Variants in ZNF3 observed in about 807,000 individuals in gnomAD.
ZNF3 encodes zinc finger protein 3.
Under a neutral mutation model 36.9 loss-of-function variants are expected in ZNF3, and 16 were observed. The ratio of observed to expected loss-of-function variants is 0.43; its 90% CI spans 0.29 to 0.66. The LOEUF is 0.66. Among genes scored for constraint, ZNF3 ranks in the 30% least tolerant of loss-of-function variants. The probability of loss-of-function intolerance (pLI) is 0.13; values close to 1 mark genes in which losing one functional copy is unlikely to be tolerated. For synonymous variants in ZNF3, 201 were observed against 201.9 expected (o/e 1.00, Z 0.04); for missense variants, 462 against 543.1 (o/e 0.85, Z 1.48).
chr7:100,070,381 G>A lies in ZNF3; in HGVS notation c.*762C>T. On this transcript the variant is annotated 3_prime_UTR_variant, in exon 6 of 6. Transcript: ENST00000299667. Reference sequence around the variant, plus strand: ...TCATTGGAGTGGGAAGAGGACAAGAGAGGACAGCAATCAGAGGCCAACGCT... The same window carrying A: ...TCATTGGAGTGGGAAGAGGACAAGAAAGGACAGCAATCAGAGGCCAACGCT... The A allele has an allele frequency of 1.0e-6, 1 of 985,488 alleles. No individual in the cohort carries two copies. The highest frequency in any genetic ancestry group is 4.7e-5 in the South Asian group (1 of 21,292). 61.0% of individuals were successfully genotyped at this position (985,488 alleles called of 1,614,324 possible). A position where few individuals can be genotyped will look rare whatever the true frequency, so the allele number is the denominator to read the frequency against.
chr7:100,072,180 T>C lies in ZNF3; in HGVS notation c.304A>G (p.Ile102Val). The C allele has an allele frequency of 6.3e-7, 1 of 1,595,130 alleles. No individual in the cohort carries two copies. The highest frequency in any genetic ancestry group is 8.5e-7 in the Non-Finnish European group (1 of 1,174,576). ...RETRTENDQE[I>V]SEDTRSHGVL... is the part of the protein sequence containing the mutation. ...CCATGTGATCTTGTGTCTTCAGAAA[T>C]TTCTTGATCATTTTCAGTCCTGGTC... The change falls in exon 6 of 6, where the codon ATT (isoleucine) becomes GTT (valine). Residue 102 changes from isoleucine to valine, a missense_variant. Ile to Val is a conservative substitution (Grantham distance 29). Coordinates refer to ENST00000299667, the MANE Select transcript of ZNF3 (RefSeq NM_032924.5).
At chr7:100,077,074 AAAAACAAAAC>A (rs909150017) in intron 3 of ZNF3, 1 of 489,770 alleles carries the variant, frequency 2.0e-6, no homozygotes, top group Non-Finnish European at 3.7e-6. Context: ...CCATCTCAAA[AAAAACAAAAC>A]AAAACAAAAC....
At position 100,070,278 on chromosome 7, in the gene ZNF3, G is replaced by A; in HGVS notation, c.*865C>T. ...TGGCTCCTGGGGCTGGGTGTCAGAG[G>A]TGAGAGGGCAGGGCAAGCAGGCCAA... On this transcript the variant is annotated 3_prime_UTR_variant, in exon 6 of 6. Transcript: ENST00000299667. 13 of 985,620 alleles carry A rather than the reference G, an allele frequency of 1.3e-5. No homozygotes were observed. The highest frequency in any genetic ancestry group is 1.6e-5 in the Non-Finnish European group (13 of 830,092). 61.1% of individuals were successfully genotyped at this position (985,620 alleles called of 1,614,324 possible).
chr7:100,069,551 CAA>C (rs57428777), downstream of ZNF3, among the ~76,000 whole-genome samples: 286 of 107,870 alleles, frequency 2.7e-3, no homozygotes, highest in East Asian at 7.0e-3. Flanking sequence ...GACTCTGTCT[CAA>C]AAAAAAAAAA....
At chr7:100,073,543 C>T (rs377704606) in intron 5 of ZNF3, among the ~76,000 whole-genome samples, 29 of 151,650 alleles carry the variant, frequency 1.9e-4, no homozygotes, top group African/African-American at 2.9e-4. Context: ...GTAGAGATGG[C>T]GTTTCAACAT....
At chr7:100,079,029 T>A (rs941706109) in intron 2 of ZNF3, 13 of 152,204 alleles carry the variant, frequency 8.5e-5, no homozygotes, top group African/African-American at 3.1e-4. Flanking sequence ...GAATGTCCAA[T>A]ACCAGAGCCC....
At chr7:100,066,685 C>T (rs189402756), downstream of ZNF3, among the ~76,000 whole-genome samples, 10 of 150,130 alleles carry the variant, frequency 6.7e-5, no homozygotes, top group Middle Eastern at 3.6e-3. Flanking sequence ...TGCAGTGAGC[C>T]GAGATCACGC....
Position 100,070,321 on chromosome 7 carries a change from A to G in ZNF3, c.*822T>C. The G allele has an allele frequency of 1.0e-6, 1 of 985,574 alleles. No homozygotes were observed. The highest frequency in any genetic ancestry group is 1.2e-6 in the Non-Finnish European group (1 of 830,036). The allele number at this position is 985,574 out of a possible 1,614,324, so 61.1% of individuals were successfully genotyped here. A position where few individuals can be genotyped will look rare whatever the true frequency, so the allele number is the denominator to read the frequency against. On this transcript the variant is annotated 3_prime_UTR_variant, in exon 6 of 6. Coordinates refer to ENST00000299667, the MANE Select transcript of ZNF3 (RefSeq NM_032924.5). ...CAGGCCAAGTGAGCTCCTTGAAAGC[A>G]TCCTTACCCAGGCATTTAGAGAAAA...
In ZNF3 at chr7:100,071,794, A is replaced by G. The variant is rs753194720; in HGVS notation, c.690T>C (p.Cys230=). The G allele has an allele frequency of 6.2e-7, 1 of 1,613,914 alleles. No homozygotes were observed. Among genetic ancestry groups the G allele is most frequent in the Admixed American group, 1.7e-5 (1 of 60,000 alleles). The change falls in exon 6 of 6, where the codon TGT becomes TGC. Residue 230 remains cysteine (C), a synonymous_variant. Transcript: ENST00000299667. Reference sequence around the variant, plus strand: ...GGCTGAAGGCCTTCCCACACTCATTACATTCATAGGGCTTTTCCCCAGTGT... The same window carrying G: ...GGCTGAAGGCCTTCCCACACTCATTGCATTCATAGGGCTTTTCCCCAGTGT... ...RIHTGEKPYE[C]NECGKAFSQS... is the part of the protein sequence containing the mutation.
At position 100,070,053 on chromosome 7, in the gene ZNF3, G is replaced by A. The variant is rs192702217; in HGVS notation, c.*1090C>T. Reference sequence around the variant, plus strand: ...CAGGGTTGGGAAAACACAATGGAAGGTCATCCCGTCGGTTGGGAAAACTCG... The same window carrying A: ...CAGGGTTGGGAAAACACAATGGAAGATCATCCCGTCGGTTGGGAAAACTCG... On this transcript the variant is annotated 3_prime_UTR_variant, in exon 6 of 6. Coordinates refer to ENST00000299667, the MANE Select transcript of ZNF3 (RefSeq NM_032924.5). 9.3e-5 allele frequency: 92 copies of A among 985,864 alleles called. No homozygotes were observed. Among genetic ancestry groups the A allele is most frequent in the East Asian group, 1.1e-4 (1 of 8,818 alleles). The allele number at this position is 985,864 out of a possible 1,614,324, so 61.1% of individuals were successfully genotyped here. A position where few individuals can be genotyped will look rare whatever the true frequency, so the allele number is the denominator to read the frequency against.
chr7:100,064,614 G>A lies in ZNF3; in HGVS notation c.*174C>T, dbSNP rs533111220. On this transcript the variant is annotated 3_prime_UTR_variant, in exon 6 of 6. Transcript: ENST00000413658. ...TCCACACTGGAGAGGGAGAAGCACC[G>A]TAACTTTCAAGCGCTCCTGTTGTTG... 49 of 1,612,496 alleles carry A rather than the reference G, an allele frequency of 3.0e-5. No homozygotes were observed. The Admixed American group carries it at 3.4e-4, about 11-fold the overall frequency.
rs1017427254 is a variant in ZNF3 at position 100,070,622 on chromosome 7, C to T, written c.*521G>A. The T allele has an allele frequency of 2.0e-6, 2 of 989,140 alleles. No individual in the cohort carries two copies. The highest frequency in any genetic ancestry group is 2.4e-6 in the Non-Finnish European group (2 of 832,142). 61.3% of individuals were successfully genotyped at this position (989,140 alleles called of 1,614,324 possible). On this transcript the variant is annotated 3_prime_UTR_variant, in exon 6 of 6. Transcript: ENST00000299667. ...TCTCTTCTACCCTCAATAAAATAATCCCTCAATGCCAAATTTCCATAATTA... is the reference window on the plus strand; with the variant it reads ...TCTCTTCTACCCTCAATAAAATAATTCCTCAATGCCAAATTTCCATAATTA...
rs1166507998 is a variant in ZNF3, at chr7:100,064,422, C to T, written c.*366G>A. On this transcript the variant is annotated 3_prime_UTR_variant, in exon 6 of 6. Coordinates refer to the ZNF3 transcript ENST00000413658. ...CGGGCCTCAGCTCCCACCAGAGACT[C>T]CACACCGGAGAGAAGCCATATAAGT... 5.0e-6 allele frequency: 8 copies of T among 1,613,770 alleles called. No individual in the cohort carries two copies. The South Asian group carries it at 8.8e-5, about 18-fold the overall frequency.
At position 100,070,932 on chromosome 7, in the gene ZNF3, T is replaced by A. The variant is rs1793029794; in HGVS notation, c.*211A>T. ...ATGGGGTAACTGGTCCCAGAGCTGCTTTCTATTCCCAGCACGCCATCCACT... is the reference window on the plus strand; with the variant it reads ...ATGGGGTAACTGGTCCCAGAGCTGCATTCTATTCCCAGCACGCCATCCACT... On this transcript the variant is annotated 3_prime_UTR_variant, in exon 6 of 6. Coordinates refer to ENST00000299667, the MANE Select transcript of ZNF3 (RefSeq NM_032924.5). The A allele has an allele frequency of 1.5e-6, 2 of 1,358,220 alleles. No homozygotes were observed. Among genetic ancestry groups the A allele is most frequent in the Non-Finnish European group, 1.9e-6 (2 of 1,060,338 alleles). 84.1% of individuals were successfully genotyped at this position (1,358,220 alleles called of 1,614,324 possible).
downstream of ZNF3, among the ~76,000 whole-genome samples, chr7:100,068,023 T>A (rs1057208274): frequency 4.6e-5 from 7 of 152,184 alleles, no homozygotes; most frequent in African/African-American, 1.7e-4. Context: ...AGTCCAGGTG[T>A]AACTGCTCTG....
intron 5 of ZNF3, among the ~76,000 whole-genome samples, chr7:100,073,790 T>C (rs536930196): frequency 6.6e-6 from 1 of 152,178 alleles, no homozygotes; most frequent in Non-Finnish European, 1.5e-5. Flanking sequence ...GAGCAGCACC[T>C]CATGTGTTCA....
At position 100,070,970 on chromosome 7, in the gene ZNF3, T is replaced by C; in HGVS notation, c.*173A>G. ...CACGCCATCCACTTGCCTTGACGCTTTCTAAGGCTGGTGTGATTTCTGGGA... is the reference window on the plus strand; with the variant it reads ...CACGCCATCCACTTGCCTTGACGCTCTCTAAGGCTGGTGTGATTTCTGGGA... On this transcript the variant is annotated 3_prime_UTR_variant, in exon 6 of 6. Coordinates refer to ENST00000299667, the MANE Select transcript of ZNF3 (RefSeq NM_032924.5). The C allele has an allele frequency of 7.0e-7, 1 of 1,426,794 alleles. No individual in the cohort carries two copies. The highest frequency in any genetic ancestry group is 2.4e-5 in the East Asian group (1 of 40,832). The allele number at this position is 1,426,794 out of a possible 1,614,324, so 88.4% of individuals were successfully genotyped here. A position where few individuals can be genotyped will look rare whatever the true frequency, so the allele number is the denominator to read the frequency against.
Position 100,070,452 on chromosome 7 carries a change from G to A in ZNF3, c.*691C>T, listed in dbSNP as rs1792952484. 2.0e-6 allele frequency: 2 copies of A among 985,522 alleles called. No individual in the cohort carries two copies. The highest frequency in any genetic ancestry group is 9.4e-5 in the South Asian group (2 of 21,294). The allele number at this position is 985,522 out of a possible 1,614,324, so 61.0% of individuals were successfully genotyped here. ...CTCACAGCCGGTTACTAGCTGTTTGGACAGATTTGCCCATTCAGCCCCAGG... is the reference window on the plus strand; with the variant it reads ...CTCACAGCCGGTTACTAGCTGTTTGAACAGATTTGCCCATTCAGCCCCAGG... On this transcript the variant is annotated 3_prime_UTR_variant, in exon 6 of 6. Transcript: ENST00000299667.
rs1794984027 is a variant in ZNF3 at position 100,081,460 on chromosome 7, G to C, written c.-198+175C>G. On this transcript the variant is annotated intron_variant, in intron 1 of 5. Coordinates refer to ENST00000299667, the MANE Select transcript of ZNF3 (RefSeq NM_032924.5). The surrounding 1 kb of genome is among the most constrained non-coding windows in gnomAD (Gnocchi z 4.3). ...ACGCAGGATCCCGCTAGGCTAGGGG[G>C]ATCCCTGGGGAAGCGGAGTAGAGGA... 6.6e-6 allele frequency among the ~76,000 whole-genome samples: 1 copy of C among 152,208 alleles called. No homozygotes were observed. Among genetic ancestry groups the C allele is most frequent in the Non-Finnish European group, 1.5e-5 (1 of 68,024 alleles).
Sources: allele counts gnomAD v4.1 joint callset (sites outside exome capture counted in the v4.1 genomes callset), GRCh38; gene constraint gnomAD v4.1.1; non-coding constraint Gnocchi (gnomAD v3.1); transcripts MANE v1.5; gene names NCBI Gene and HGNC (gene_info 2026-07-23, HGNC 2026-07-21).